KIAA0513: variants seen among roughly 807,000 people sequenced by gnomAD.
KIAA0513 encodes uncharacterized protein KIAA0513.
Under a neutral mutation model 56.5 loss-of-function variants are expected in KIAA0513, and 39 were observed. The observed-to-expected ratio is 0.69, with a 90% CI of 0.53 to 0.90. The LOEUF (loss-of-function observed/expected upper bound fraction) is 0.90, where lower values mean the gene tolerates loss of function less well. Among genes scored for constraint, KIAA0513 ranks in the 40% least tolerant of loss-of-function variants. The probability of loss-of-function intolerance (pLI) is 0.00; values close to 1 mark genes in which losing one functional copy is unlikely to be tolerated. For missense variants in KIAA0513, 591 were observed against 535.2 expected (o/e 1.10, Z -1.03); for synonymous variants, 268 against 215.6 (o/e 1.24, Z -2.13).
chr16:85,043,552 C>T (rs926995380), intron 1 of KIAA0513, among the ~76,000 whole-genome samples: 1 of 151,962 alleles, frequency 6.6e-6, no homozygotes, highest in Admixed American at 6.6e-5. Context: ...GCTGGGACTA[C>T]AGGCGTGCGC....
chr16:85,051,275 T>C (rs1196977898), intron 1 of KIAA0513, among the ~76,000 whole-genome samples: 1 of 152,202 alleles, frequency 6.6e-6, no homozygotes, highest in African/African-American at 2.4e-5. Flanking sequence ...CCCTTATCTC[T>C]TTTTTTCTGT....
At chr16:85,053,958 C>T (rs1437717567) in intron 1 of KIAA0513, among the ~76,000 whole-genome samples, 1 of 149,902 alleles carries the variant, frequency 6.7e-6, no homozygotes, top group East Asian at 2.0e-4. Context: ...TGCCACTGCA[C>T]TCCAGCCTGG....
chr16:85,083,178 GC>G (rs1188302030), intron 10 of KIAA0513, among the ~76,000 whole-genome samples: 3 of 152,210 alleles, frequency 2.0e-5, no homozygotes, highest in Non-Finnish European at 4.4e-5. Flanking sequence ...GGTGCGAGGG[GC>G]CCCCGAGGAA....
chr16:85,046,984 T>C (rs1214777115), intron 1 of KIAA0513, among the ~76,000 whole-genome samples: 1 of 152,226 alleles, frequency 6.6e-6, no homozygotes, highest in East Asian at 1.9e-4. Context: ...ACCTTCTTTG[T>C]ATGCTGAGTG....
intron 1 of KIAA0513, among the ~76,000 whole-genome samples, chr16:85,031,017 A>T (rs1265999054): frequency 6.6e-6 from 1 of 152,206 alleles, no homozygotes; most frequent in Non-Finnish European, 1.5e-5. Context: ...TTTTCTGGAC[A>T]TCACATGTAA....
Position 85,078,318 on chromosome 16 carries a change from G to A in KIAA0513, c.783-97G>A, listed in dbSNP as rs1567543549. The A allele has an allele frequency of 2.7e-5, 36 of 1,314,130 alleles. No individual in the cohort carries two copies. The South Asian group carries it at 3.5e-4, about 13-fold the overall frequency. The allele number at this position is 1,314,130 out of a possible 1,614,324, so 81.4% of individuals were successfully genotyped here. ...CTTTTCAGAGCAAGCCGTATTAAAT[G>A]TACCCAGTCCCACCTTAGAAGTGTA... On this transcript the variant is annotated intron_variant, in intron 6 of 12. Transcript: ENST00000683363.
In KIAA0513 at chr16:85,036,324, C is replaced by T. The variant is rs188030697; in HGVS notation, c.-173+8466C>T. Among the ~76,000 whole-genome samples the T allele has an allele frequency of 3.2e-3, 485 of 152,308 alleles. 2 individuals carry two copies. Among genetic ancestry groups the T allele is most frequent in the African/African-American group, 0.011 (455 of 41,554 alleles). On this transcript the variant is annotated intron_variant, in intron 1 of 12. Coordinates refer to ENST00000683363, the MANE Select transcript of KIAA0513 (RefSeq NM_001388359.1). The stretch of plus-strand genomic sequence containing the variant: ...ATCAACGAAACCCCTTTCCCATTTG[C>T]AGTCTCTGCCCCTGCCTCCCAAACT...
Position 85,090,976 on chromosome 16 carries a change from G to A in KIAA0513, c.*2651G>A, listed in dbSNP as rs954096246. On this transcript the variant is annotated 3_prime_UTR_variant, in exon 13 of 13. Transcript: ENST00000683363. ...AGCCACACTGCTCAAAGGTCCCTGCGTGGGGAGGTGTCACACCAGGGGCAC... is the reference window on the plus strand; with the variant it reads ...AGCCACACTGCTCAAAGGTCCCTGCATGGGGAGGTGTCACACCAGGGGCAC... 2 of 152,278 alleles carry A rather than the reference G, an allele frequency of 1.3e-5. No individual in the cohort carries two copies. The highest frequency in any genetic ancestry group is 2.4e-5 in the African/African-American group (1 of 41,458). 9.4% of individuals were successfully genotyped at this position (152,278 alleles called of 1,614,324 possible).
chr16:85,037,594 C>T (rs928108840), intron 1 of KIAA0513, among the ~76,000 whole-genome samples: 2 of 152,104 alleles, frequency 1.3e-5, no homozygotes, highest in Non-Finnish European at 1.5e-5. Flanking sequence ...ATAGAAAACC[C>T]GTTAACCAAG....
intron 1 of KIAA0513, among the ~76,000 whole-genome samples, chr16:85,064,379 G>A (rs970988151): frequency 2.6e-5 from 4 of 152,072 alleles, no homozygotes; most frequent in South Asian, 2.1e-4. Flanking sequence ...GTTGCAATGA[G>A]CATTTTTCTC....
chr16:85,035,952 C>T (rs2073030431), intron 1 of KIAA0513, among the ~76,000 whole-genome samples: 1 of 147,490 alleles, frequency 6.8e-6, no homozygotes, highest in Non-Finnish European at 1.5e-5. Context: ...GCACTCCAGC[C>T]TGGGCAACAG....
chr16:85,074,244 G>A (rs974976627), intron 4 of KIAA0513, among the ~76,000 whole-genome samples: 6 of 151,438 alleles, frequency 4.0e-5, no homozygotes, highest in African/African-American at 1.5e-4. Flanking sequence ...CAAAGTGCTG[G>A]GATTACAGGA....
chr16:85,034,802 T>A (rs2073012439), intron 1 of KIAA0513, among the ~76,000 whole-genome samples: 1 of 152,004 alleles, frequency 6.6e-6, no homozygotes, highest in African/African-American at 2.4e-5. Flanking sequence ...ATGAGAAAAC[T>A]GAGGCATAGA....
At chr16:85,044,510 ATTT>A (rs746418986) in intron 1 of KIAA0513, among the ~76,000 whole-genome samples, 1 of 136,940 alleles carries the variant, frequency 7.3e-6, no homozygotes. Context: ...TTTTATTTTT[ATTT>A]TTTTTTTTTT....
At chr16:85,063,356 C>T (rs1248122069) in intron 1 of KIAA0513, 2 of 152,278 alleles carry the variant, frequency 1.3e-5, no homozygotes, top group Non-Finnish European at 2.9e-5. Context: ...GCCTCCACCT[C>T]CCCGGTTCAA....
Position 85,078,401 on chromosome 16 carries a change from C to T in KIAA0513, c.783-14C>T, listed in dbSNP as rs1449187564. 1 of 1,613,918 alleles carries T rather than the reference C, an allele frequency of 6.2e-7. No individual in the cohort carries two copies. The highest frequency in any genetic ancestry group is 1.7e-5 in the Admixed American group (1 of 60,008). On this transcript the variant is annotated splice_polypyrimidine_tract_variant and intron_variant, in intron 6 of 12. Coordinates refer to ENST00000683363, the MANE Select transcript of KIAA0513 (RefSeq NM_001388359.1). The stretch of plus-strand genomic sequence containing the variant: ...TGAGTCGCGTGTGTCATCATTGTGC[C>T]TTCTCTCCCTCAGGGAAGACGAGAA...
At chr16:85,042,549 T>C (rs571025160) in intron 1 of KIAA0513, among the ~76,000 whole-genome samples, 6 of 152,324 alleles carry the variant, frequency 3.9e-5, no homozygotes, top group African/African-American at 1.4e-4. Flanking sequence ...TTTAACCCTT[T>C]TAAGCCTTAA....
intron 1 of KIAA0513, among the ~76,000 whole-genome samples, chr16:85,064,108 C>A (rs1045208787): frequency 1.3e-5 from 2 of 150,408 alleles, no homozygotes; most frequent in Non-Finnish European, 3.0e-5. Flanking sequence ...CAGGTTCAAC[C>A]GATTCTCCTG....
intron 1 of KIAA0513, among the ~76,000 whole-genome samples, chr16:85,053,863 GCA>G (rs2073289903): frequency 6.6e-6 from 1 of 152,052 alleles, no homozygotes; most frequent in Admixed American, 6.6e-5. Context: ...ATGGTGGCGT[GCA>G]CCTGTAGTCC....
Sources: allele counts gnomAD v4.1 joint callset (sites outside exome capture counted in the v4.1 genomes callset), GRCh38; gene constraint gnomAD v4.1.1; transcripts MANE v1.5; gene names NCBI Gene and HGNC (gene_info 2026-07-23, HGNC 2026-07-21).